Variants in PIGL observed in about 807,000 individuals in gnomAD.
PIGL encodes phosphatidylinositol glycan anchor biosynthesis class L, also known as N-acetylglucosaminyl-phosphatidylinositol de-N-acetylase.
In PIGL, 22 loss-of-function variants were observed where a neutral mutation model predicts 31.1. The ratio of observed to expected loss-of-function variants is 0.71; its 90% CI spans 0.51 to 1.01. The LOEUF (loss-of-function observed/expected upper bound fraction) is 1.01. Among genes scored for constraint, PIGL ranks in the 50% least tolerant of loss-of-function variants. The probability of loss-of-function intolerance (pLI) is 0.00; values close to 1 mark genes in which losing one functional copy is unlikely to be tolerated. For synonymous variants in PIGL, 131 were observed against 117.4 expected, an observed-to-expected ratio of 1.12 and a Z score of -0.75; for missense variants, 302 against 315.9, an observed-to-expected ratio of 0.96 and a Z score of 0.33.
At chr17:16,281,802 AC>A in intron 2 of PIGL, among the ~76,000 whole-genome samples, 2 of 152,314 alleles carry the variant, frequency 1.3e-5, no homozygotes, top group East Asian at 3.9e-4. Context: ...ATCTTCCATG[AC>A]AAGGAGGAAA....
intron 2 of PIGL, among the ~76,000 whole-genome samples, chr17:16,282,358 A>G (rs1311330756): frequency 1.3e-5 from 2 of 152,192 alleles, no homozygotes; most frequent in African/African-American, 4.8e-5. Context: ...AGCCTAAGTT[A>G]TAGGAGAGAG....
At chr17:16,226,658 G>C (rs559177077) in intron 1 of PIGL, among the ~76,000 whole-genome samples, 1 of 152,092 alleles carries the variant, frequency 6.6e-6, no homozygotes, top group African/African-American at 2.4e-5. Flanking sequence ...ATTCTTAGGG[G>C]GTGACATTTT....
At chr17:16,252,055 AT>A (rs150729398) in intron 2 of PIGL, among the ~76,000 whole-genome samples, 7 of 133,660 alleles carry the variant, frequency 5.2e-5, no homozygotes, top group East Asian at 2.1e-4. Context: ...TGCGCAGATA[AT>A]TTTTTTTTCC....
intron 6 of PIGL, among the ~76,000 whole-genome samples, chr17:16,319,854 A>G (rs1028757982): frequency 6.6e-6 from 1 of 151,826 alleles, no homozygotes; most frequent in Admixed American, 6.6e-5. Flanking sequence ...GAAAACTCTT[A>G]GCTGTCCATG....
chr17:16,217,562 C>T (rs1364722799), intron 1 of PIGL, 101 bp downstream of exon 1: 3 of 908,796 alleles, frequency 3.3e-6, no homozygotes, highest in Admixed American at 2.2e-5. Flanking sequence ...CCGTAGGGAG[C>T]TAAGTGAATA....
intron 2 of PIGL, among the ~76,000 whole-genome samples, chr17:16,293,626 T>G (rs140129524): frequency 0.03 from 4,558 of 152,260 alleles, 99 homozygotes; most frequent in Non-Finnish European, 0.044. Context: ...AAATATAGAG[T>G]ACTTCTGTCA....
intron 5 of PIGL, chr17:16,317,200 C>G: frequency 1.0e-6 from 1 of 1,004,628 alleles, no homozygotes; most frequent in Non-Finnish European, 1.2e-6. Flanking sequence ...CGGCGCAATA[C>G]GAAGATTCAA....
rs564547693 is a variant in PIGL, at chr17:16,278,071, T to G, written c.336-21817T>G. ...TCAAACTCAATTCTTTTTTTTTTTT[T>G]TTGAGACAGAATCTCACTCTTTTGC... On this transcript the variant is annotated intron_variant, in intron 2 of 6. Coordinates refer to ENST00000225609, the MANE Select transcript of PIGL (RefSeq NM_004278.4). Among the ~76,000 whole-genome samples, 165 of 150,754 alleles carry G rather than the reference T, an allele frequency of 1.1e-3. 1 individual carries two copies. The highest frequency in any genetic ancestry group is 3.7e-3 in the African/African-American group (147 of 40,184).
intron 1 of PIGL, among the ~76,000 whole-genome samples, chr17:16,228,580 G>A (rs950533424): frequency 6.6e-6 from 1 of 151,412 alleles, no homozygotes; most frequent in African/African-American, 2.4e-5. Flanking sequence ...AGTAGAGACG[G>A]GGTTTCACCG....
intron 2 of PIGL, among the ~76,000 whole-genome samples, chr17:16,271,654 C>T (rs1260824701): frequency 6.6e-6 from 1 of 151,934 alleles, no homozygotes; most frequent in African/African-American, 2.4e-5. Flanking sequence ...GCCTCAGCCT[C>T]CTGAGTAGCT....
At chr17:16,284,534 TC>T (rs2092929448) in intron 2 of PIGL, among the ~76,000 whole-genome samples, 1 of 152,174 alleles carries the variant, frequency 6.6e-6, no homozygotes, top group Admixed American at 6.5e-5. Context: ...ATTCTGACCC[TC>T]CCTAAACTGC....
chr17:16,275,026 C>T (rs1353822655), intron 2 of PIGL, among the ~76,000 whole-genome samples: 2 of 148,796 alleles, frequency 1.3e-5, no homozygotes, highest in Non-Finnish European at 3.0e-5. Flanking sequence ...AGCAAGACTC[C>T]GTCTCAAAAA....
At chr17:16,218,577 A>T (rs1422518665) in intron 1 of PIGL, among the ~76,000 whole-genome samples, 1 of 151,314 alleles carries the variant, frequency 6.6e-6, no homozygotes, top group Non-Finnish European at 1.5e-5. Flanking sequence ...GAACATCTTT[A>T]TGTATTTTAT....
chr17:16,271,837 A>G (rs1361077719), intron 2 of PIGL, among the ~76,000 whole-genome samples: 1 of 152,120 alleles, frequency 6.6e-6, no homozygotes, highest in Non-Finnish European at 1.5e-5. Flanking sequence ...GCCAGAACAT[A>G]ATTATACTAA....
At chr17:16,252,066 C>CTTTTTTTTTCT (rs2092774463) in intron 2 of PIGL, among the ~76,000 whole-genome samples, 10 of 123,814 alleles carry the variant, frequency 8.1e-5, no homozygotes, top group Admixed American at 2.3e-4. Flanking sequence ...TTTTTTTTTC[C>CTTTTTTTTTCT]TTTTTTTTTT....
At chr17:16,286,199 T>C (rs548401184) in intron 2 of PIGL, among the ~76,000 whole-genome samples, 11 of 152,370 alleles carry the variant, frequency 7.2e-5, no homozygotes, top group African/African-American at 2.6e-4. Flanking sequence ...GCCGCCTCCG[T>C]CTGTATTAAA....
intron 2 of PIGL, among the ~76,000 whole-genome samples, chr17:16,293,388 T>G (rs2092968693): frequency 6.6e-6 from 1 of 151,934 alleles, no homozygotes; most frequent in South Asian, 2.1e-4. Flanking sequence ...CTTAGCCGGG[T>G]GTGGTGGCGG....
At chr17:16,294,359 T>C (rs895029651) in intron 2 of PIGL, among the ~76,000 whole-genome samples, 2 of 152,192 alleles carry the variant, frequency 1.3e-5, no homozygotes, top group African/African-American at 4.8e-5. Context: ...ACTCTGTCCC[T>C]GAGCTTCTGG....
chr17:16,233,503 G>C (rs2092687284), intron 1 of PIGL, among the ~76,000 whole-genome samples: 1 of 152,060 alleles, frequency 6.6e-6, no homozygotes, highest in Non-Finnish European at 1.5e-5. Context: ...GTAATACTCA[G>C]GAGTAGCAAC....
Sources: gnomAD v4.1 joint callset for allele counts (sites outside exome capture counted in the v4.1 genomes callset) on GRCh38, gnomAD v4.1.1 for gene constraint, MANE v1.5 for transcripts, NCBI Gene and HGNC (gene_info 2026-07-23, HGNC 2026-07-21) for gene names.